CCSER1: variants seen among roughly 807,000 people sequenced by gnomAD.
CCSER1 encodes serine-rich coiled-coil domain-containing protein 1.
A neutral mutation model predicts 82.0 loss-of-function variants in CCSER1; 41 were observed. That is an observed-to-expected ratio of 0.50 (90% CI 0.39 to 0.65). CCSER1 has a LOEUF of 0.65. Among genes scored for constraint, CCSER1 ranks in the 30% least tolerant of loss-of-function variants. CCSER1 has a pLI of 0.00. For missense variants in CCSER1, 1,119 were observed against 1,064.2 expected (o/e 1.05, Z -0.72); for synonymous variants, 414 against 383.9 (o/e 1.08, Z -0.92).
At position 90,167,129 on chromosome 4, in the gene CCSER1, T is replaced by G. The variant is rs376920743; in HGVS notation, c.-42+39298T>G. On this transcript the variant is annotated intron_variant, in intron 1 of 10. Coordinates refer to ENST00000509176, the MANE Select transcript of CCSER1 (RefSeq NM_001145065.2). ...GCAATGTAATTTTGGATTTCCACAT[T>G]TCTATGTTAAAGTACTTAAAAACTC... 7.9e-5 allele frequency among the ~76,000 whole-genome samples: 12 copies of G among 152,216 alleles called. No homozygotes were observed. In the East Asian group the frequency reaches 1.9e-3, roughly 25 times the overall value.
intron 9 of CCSER1, among the ~76,000 whole-genome samples, chr4:91,080,019 G>A (rs186170257): frequency 6.6e-6 from 1 of 152,174 alleles, no homozygotes; most frequent in East Asian, 1.9e-4. Flanking sequence ...AAGACAGAAA[G>A]TTAATAAGGA....
intron 7 of CCSER1, among the ~76,000 whole-genome samples, chr4:90,731,598 T>C (rs1254322305): frequency 1.3e-5 from 2 of 152,154 alleles, no homozygotes; most frequent in African/African-American, 4.8e-5. Flanking sequence ...ATTTTGAATA[T>C]AAACCATACA....
chr4:90,758,340 T>A (rs1749884495), intron 7 of CCSER1, among the ~76,000 whole-genome samples: 1 of 135,980 alleles, frequency 7.4e-6, no homozygotes, highest in African/African-American at 3.4e-5. Context: ...CTTTTATCTT[T>A]GATATTGCTA....
At chr4:91,399,656 T>C (rs1157239096) in intron 10 of CCSER1, among the ~76,000 whole-genome samples, 1 of 152,000 alleles carries the variant, frequency 6.6e-6, no homozygotes, top group African/African-American at 2.4e-5. Flanking sequence ...CCAAGACTTT[T>C]TAACATCTCT....
At chr4:90,552,536 C>T (rs1283925024) in intron 5 of CCSER1, among the ~76,000 whole-genome samples, 1 of 152,068 alleles carries the variant, frequency 6.6e-6, no homozygotes, top group Non-Finnish European at 1.5e-5. Context: ...CAGCTCACTG[C>T]AACCTCCACT....
intron 8 of CCSER1, among the ~76,000 whole-genome samples, chr4:90,886,627 T>C (rs748810730): frequency 1.3e-5 from 2 of 152,218 alleles, no homozygotes; most frequent in Non-Finnish European, 2.9e-5. Flanking sequence ...ATATTTATAA[T>C]GTACTAGATT....
At chr4:90,339,069 C>G (rs78730419) in intron 3 of CCSER1, among the ~76,000 whole-genome samples, 1 of 152,062 alleles carries the variant, frequency 6.6e-6, no homozygotes, top group Non-Finnish European at 1.5e-5. Flanking sequence ...ATATTTATAG[C>G]GTTTACAAGA....
chr4:91,203,982 A>G (rs1021551780), intron 10 of CCSER1, among the ~76,000 whole-genome samples: 2 of 151,904 alleles, frequency 1.3e-5, no homozygotes, highest in East Asian at 3.9e-4. Flanking sequence ...TGGGCATTTT[A>G]TAATATTTTA....
At chr4:90,546,376 T>A (rs1211597663) in intron 5 of CCSER1, among the ~76,000 whole-genome samples, 2 of 152,134 alleles carry the variant, frequency 1.3e-5, no homozygotes, top group Non-Finnish European at 2.9e-5. Flanking sequence ...CAGGAAGTAG[T>A]GGAGCTAACA....
intron 10 of CCSER1, among the ~76,000 whole-genome samples, chr4:91,399,580 A>G (rs908211485): frequency 6.6e-6 from 1 of 151,934 alleles, no homozygotes; most frequent in African/African-American, 2.4e-5. Flanking sequence ...TCCTGCTCCC[A>G]GGGTTTTAGT....
Position 91,043,178 on chromosome 4 carries a change from G to T in CCSER1, c.2173-42772G>T, listed in dbSNP as rs143372908. On this transcript the variant is annotated intron_variant, in intron 9 of 10. Transcript: ENST00000509176. Reference sequence around the variant, plus strand: ...AATAATAACTTAAAAACAACTTTTAGTTAGTATTTATCTAATTACAGTCCT... The same window carrying T: ...AATAATAACTTAAAAACAACTTTTATTTAGTATTTATCTAATTACAGTCCT... Among the ~76,000 whole-genome samples the T allele has an allele frequency of 4.6e-5, 7 of 152,014 alleles. No individual in the cohort carries two copies. In the East Asian group the frequency reaches 1.3e-3, roughly 29 times the overall value.
rs7675920 is a variant in CCSER1, at chr4:90,702,294, A to T, written c.1933-21620A>T. Among the ~76,000 whole-genome samples, 1,013 of 152,214 alleles carry T rather than the reference A, an allele frequency of 6.7e-3. 11 individuals carry two copies. The highest frequency in any genetic ancestry group is 0.024 in the African/African-American group (976 of 41,528). On this transcript the variant is annotated intron_variant, in intron 6 of 10. Coordinates refer to ENST00000509176, the MANE Select transcript of CCSER1 (RefSeq NM_001145065.2). ...TACGTTTATTGGTTTTCATATGTTT[A>T]ACCAGCCTTGCATCCCAGGGATGAA...
intron 10 of CCSER1, among the ~76,000 whole-genome samples, chr4:91,502,594 C>T (rs1759268655): frequency 6.6e-6 from 1 of 152,136 alleles, no homozygotes; most frequent in Admixed American, 6.5e-5. Context: ...ACTAAAAGAC[C>T]TCTTCTAACT....
At chr4:90,414,984 G>C (rs1403331054) in intron 4 of CCSER1, among the ~76,000 whole-genome samples, 1 of 151,970 alleles carries the variant, frequency 6.6e-6, no homozygotes, top group Non-Finnish European at 1.5e-5. Flanking sequence ...GGAAAACAAA[G>C]TAACCAGGAT....
At chr4:91,094,175 C>T (rs1194553423) in intron 10 of CCSER1, among the ~76,000 whole-genome samples, 3 of 152,192 alleles carry the variant, frequency 2.0e-5, no homozygotes, top group Non-Finnish European at 4.4e-5. Flanking sequence ...GAGCAAGACA[C>T]AGCCTAGGTC....
chr4:90,241,800 A>G (rs768612061), intron 1 of CCSER1, among the ~76,000 whole-genome samples: 2 of 152,202 alleles, frequency 1.3e-5, no homozygotes, highest in Non-Finnish European at 2.9e-5. Context: ...TTAAGTACAA[A>G]TGGTTTAATT....
Position 91,528,102 on chromosome 4 carries a change from G to T in CCSER1, c.2218-70470G>T, listed in dbSNP as rs139873708. 1.8e-4 allele frequency among the ~76,000 whole-genome samples: 28 copies of T among 152,116 alleles called. No homozygotes were observed. In the East Asian group the frequency reaches 5.4e-3, roughly 29 times the overall value. The stretch of plus-strand genomic sequence containing the variant: ...GCTAACTTTTTTTGTAGTATTATTA[G>T]TAGAGAAAGGGTTTCACCATGTTGG... On this transcript the variant is annotated intron_variant, in intron 10 of 10. Transcript: ENST00000509176.
intron 9 of CCSER1, among the ~76,000 whole-genome samples, chr4:90,940,492 A>G (rs1731464561): frequency 1.3e-5 from 2 of 151,176 alleles, no homozygotes. Context: ...AGTGTTTTAT[A>G]AATATTTATT....
intron 10 of CCSER1, among the ~76,000 whole-genome samples, chr4:91,333,078 G>A (rs1413824986): frequency 6.6e-6 from 1 of 151,890 alleles, no homozygotes; most frequent in Non-Finnish European, 1.5e-5. Flanking sequence ...ATCCATTCTT[G>A]TCACAAAGGC....
Sources: allele counts gnomAD v4.1 joint callset (sites outside exome capture counted in the v4.1 genomes callset), GRCh38; gene constraint gnomAD v4.1.1; transcripts MANE v1.5; gene names NCBI Gene and HGNC (gene_info 2026-07-23, HGNC 2026-07-21).